CALN1: variants seen among roughly 807,000 people sequenced by gnomAD.
CALN1 encodes calneuron 1, also known as calcium-binding protein 8.
CALN1 carries 17 observed loss-of-function variants against 30.6 expected under a neutral mutation model. That is an observed-to-expected ratio of 0.56 (90% confidence interval 0.38 to 0.83). The LOEUF (loss-of-function observed/expected upper bound fraction) is 0.83. Among genes scored for constraint, CALN1 ranks in the 40% least tolerant of loss-of-function variants. The pLI, the probability that CALN1 is intolerant of heterozygous loss-of-function variation, is 0.00. For synonymous variants in CALN1, 156 were observed against 131.4 expected (o/e 1.19, Z -1.28); for missense variants, 291 against 354.9 (o/e 0.82, Z 1.45).
At chr7:72,076,640 A>AAAAAAAAAAAAAAC (rs1804759547) in intron 4 of CALN1, among the ~76,000 whole-genome samples, 1 of 130,144 alleles carries the variant, frequency 7.7e-6, no homozygotes, top group Non-Finnish European at 1.6e-5. Context: ...AAAAAAAAAA[A>AAAAAAAAAAAAAAC]AAAAAAAGCA....
chr7:72,216,258 T>A (rs1475814225), intron 3 of CALN1, among the ~76,000 whole-genome samples: 2 of 151,602 alleles, frequency 1.3e-5, no homozygotes, highest in African/African-American at 2.4e-5. Context: ...CTACAAAAAA[T>A]AATAATAATA....
intron 5 of CALN1, among the ~76,000 whole-genome samples, chr7:72,017,499 T>G (rs2129529770): frequency 6.6e-6 from 1 of 152,280 alleles, no homozygotes; most frequent in Non-Finnish European, 1.5e-5. Context: ...TCTTGCACAT[T>G]GCACACAGCT....
At chr7:72,198,982 T>C (rs540490694) in intron 3 of CALN1, among the ~76,000 whole-genome samples, 3 of 152,126 alleles carry the variant, frequency 2.0e-5, no homozygotes, top group Non-Finnish European at 4.4e-5. Context: ...AGGTTTAAAA[T>C]GGTAAATTCT....
the CALN1 span, among the ~76,000 whole-genome samples, chr7:72,471,667 C>T: frequency 6.6e-6 from 1 of 152,222 alleles, no homozygotes; most frequent in South Asian, 2.1e-4. Flanking sequence ...AGAGCTTATT[C>T]CTGAGCTTTA....
At chr7:72,098,036 G>A (rs1434396091) in intron 4 of CALN1, among the ~76,000 whole-genome samples, 2 of 152,144 alleles carry the variant, frequency 1.3e-5, no homozygotes, top group South Asian at 2.1e-4. Context: ...TTTTGTCAAC[G>A]AATCCAAGGA....
intron 1 of CALN1, among the ~76,000 whole-genome samples, chr7:72,444,315 G>A (rs925333666): frequency 3.3e-5 from 5 of 152,214 alleles, no homozygotes; most frequent in African/African-American, 9.6e-5. Context: ...TCCAGTGCAG[G>A]AGACATTTTT....
At chr7:71,809,064 C>A (rs1045776413) in intron 6 of CALN1, among the ~76,000 whole-genome samples, 1 of 152,116 alleles carries the variant, frequency 6.6e-6, no homozygotes, top group African/African-American at 2.4e-5. Flanking sequence ...ACTTCAGGAC[C>A]ACAGCTGGGT....
At chr7:72,358,806 G>A (rs1376150184) in intron 2 of CALN1, among the ~76,000 whole-genome samples, 1 of 151,882 alleles carries the variant, frequency 6.6e-6, no homozygotes. Context: ...AAAATTAGCT[G>A]GGCATGGTGG....
chr7:71,941,142 C>T (rs1796108217), intron 5 of CALN1, among the ~76,000 whole-genome samples: 1 of 151,910 alleles, frequency 6.6e-6, no homozygotes. Context: ...AGGTCAAGAG[C>T]TCAAAACCAG....
chr7:72,341,822 CAT>C (rs2129558817), intron 2 of CALN1, among the ~76,000 whole-genome samples: 2 of 152,244 alleles, frequency 1.3e-5, no homozygotes, highest in African/African-American at 4.8e-5. Context: ...TGGCTCCAGG[CAT>C]AGAGTAAGCT....
intron 5 of CALN1, among the ~76,000 whole-genome samples, chr7:71,977,616 T>C (rs555136953): frequency 2.6e-5 from 4 of 152,080 alleles, no homozygotes; most frequent in African/African-American, 4.8e-5. Flanking sequence ...CTGAGACACA[T>C]GTCTCCACAG....
At chr7:72,223,843 C>T (rs917238792) in intron 3 of CALN1, among the ~76,000 whole-genome samples, 7 of 152,118 alleles carry the variant, frequency 4.6e-5, no homozygotes, top group African/African-American at 1.2e-4. Flanking sequence ...ATCGTGTCCT[C>T]GGCAGCAACA....
chr7:72,164,013 A>G (rs938001859), intron 3 of CALN1, among the ~76,000 whole-genome samples: 2 of 152,206 alleles, frequency 1.3e-5, no homozygotes, highest in Admixed American at 1.3e-4. Flanking sequence ...ATACACATTA[A>G]AGAGAGAGAA....
intron 6 of CALN1, among the ~76,000 whole-genome samples, chr7:71,802,879 C>T (rs1787389295): frequency 1.3e-5 from 2 of 151,514 alleles, no homozygotes; most frequent in African/African-American, 2.4e-5. Context: ...AAAAATTAGC[C>T]GGGCATGGTG....
intron 2 of CALN1, among the ~76,000 whole-genome samples, chr7:72,312,333 G>A (rs1800108814): frequency 6.6e-6 from 1 of 150,896 alleles, no homozygotes; most frequent in African/African-American, 2.4e-5. Flanking sequence ...GAACCCAGCA[G>A]GCAGAGGTTG....
chr7:71,780,636 G>A lies in CALN1; in HGVS notation c.*7139C>T, dbSNP rs146738849. ...AAGATCACGACTCTCTTCTTTCTGG[G>A]GTATTAGGAATAATTACAAGCTACT... On this transcript the variant is annotated 3_prime_UTR_variant, in exon 7 of 7. Coordinates refer to ENST00000395275, the MANE Select transcript of CALN1 (RefSeq NM_031468.4). 2.6e-4 allele frequency: 39 copies of A among 151,980 alleles called. No homozygotes were observed. The East Asian group carries it at 7.2e-3, about 28-fold the overall frequency. 9.4% of individuals were successfully genotyped at this position (151,980 alleles called of 1,614,324 possible). A position where few individuals can be genotyped will look rare whatever the true frequency, so the allele number is the denominator to read the frequency against.
Position 71,962,978 on chromosome 7 carries a change from C to A in CALN1, c.501+60679G>T, listed in dbSNP as rs886321467. On this transcript the variant is annotated intron_variant, in intron 5 of 6. Transcript: ENST00000395275. ...ATAATAAATTCTCATATATAAGGAT[C>A]TCAGTTTGGCCTTCAAATACTACAA... 4.6e-5 allele frequency among the ~76,000 whole-genome samples: 7 copies of A among 152,258 alleles called. 1 individual carries two copies. Among genetic ancestry groups the A allele is most frequent in the Non-Finnish European group, 5.9e-5 (4 of 68,026 alleles).
At chr7:72,335,322 T>A (rs1233102278) in intron 2 of CALN1, among the ~76,000 whole-genome samples, 2 of 152,174 alleles carry the variant, frequency 1.3e-5, no homozygotes, top group Non-Finnish European at 2.9e-5. Context: ...AAAAATAATT[T>A]CCCTTTTTGA....
intron 2 of CALN1, among the ~76,000 whole-genome samples, chr7:72,393,538 T>G (rs1225949188): frequency 6.6e-6 from 1 of 152,150 alleles, no homozygotes. Context: ...GTACAATGTC[T>G]TAAACTACCT....
Sources: allele counts gnomAD v4.1 joint callset (sites outside exome capture counted in the v4.1 genomes callset), GRCh38; gene constraint gnomAD v4.1.1; transcripts MANE v1.5; gene names NCBI Gene and HGNC (gene_info 2026-07-23, HGNC 2026-07-21).